The following STMN1 variants were observed in gnomAD, a reference collection of about 807,000 sequenced individuals.
The protein encoded by STMN1 is stathmin.
A neutral mutation model predicts 19.7 loss-of-function variants in STMN1; 3 were observed. The observed-to-expected ratio is 0.15, with a 90% CI of 0.07 to 0.39. The LOEUF (loss-of-function observed/expected upper bound fraction) is 0.39. Among genes scored for constraint, STMN1 ranks in the 10% least tolerant of loss-of-function variants. The pLI is 1.00. For missense variants in STMN1, 99 were observed against 176.0 expected (o/e 0.56, Z 2.48); for synonymous variants, 59 against 58.9 (o/e 1.00, Z -0.01).
intron 4 of STMN1, among the ~76,000 whole-genome samples, chr1:25,894,268 G>A (rs1260951942): frequency 6.6e-6 from 1 of 152,152 alleles, no homozygotes; most frequent in Non-Finnish European, 1.5e-5. Flanking sequence ...GCTGTGATGG[G>A]TGCAGCTGCA....
chr1:25,900,291 C>T lies in STMN1; in HGVS notation c.*725G>A. ...GAAACACGCTTGTGCTTTTAATCTG[C>T]CTTTTAAAAGGGACACAGAACAAAA... On this transcript the variant is annotated 3_prime_UTR_variant, in exon 5 of 5. Coordinates refer to ENST00000455785, the MANE Select transcript of STMN1 (RefSeq NM_005563.4). The T allele has an allele frequency of 1.0e-6, 1 of 985,788 alleles. No homozygotes were observed. Among genetic ancestry groups the T allele is most frequent in the Non-Finnish European group, 1.2e-6 (1 of 829,942 alleles). The allele number at this position is 985,788 out of a possible 1,614,324, so 61.1% of individuals were successfully genotyped here. A position where few individuals can be genotyped will look rare whatever the true frequency, so the allele number is the denominator to read the frequency against.
chr1:25,902,795 G>A (rs1296931630), intron 3 of STMN1: 1 of 152,230 alleles, frequency 6.6e-6, no homozygotes, highest in Non-Finnish European at 1.5e-5. Flanking sequence ...CGACTCCTTA[G>A]TGTAAGCACT....
chr1:25,889,049 C>T, intron 4 of STMN1: 1 of 488,876 alleles, frequency 2.0e-6, no homozygotes, highest in East Asian at 5.6e-5. Flanking sequence ...TGAAAACTGG[C>T]AATAAAATCA....
downstream of STMN1, among the ~76,000 whole-genome samples, chr1:25,896,971 C>T (rs2048822886): frequency 6.6e-6 from 1 of 152,176 alleles, no homozygotes; most frequent in African/African-American, 2.4e-5. Context: ...AAGGGAACTT[C>T]TAGGGCATCT....
At chr1:25,885,290 C>G (rs905106831), downstream of STMN1, 1 of 154,734 alleles carries the variant, frequency 6.5e-6, no homozygotes, top group South Asian at 2.1e-4. Flanking sequence ...GACCCCTTCC[C>G]GTAGGCTTCT....
intron 4 of STMN1, among the ~76,000 whole-genome samples, chr1:25,887,800 C>A (rs1010574674): frequency 1.3e-5 from 2 of 152,156 alleles, no homozygotes; most frequent in Non-Finnish European, 2.9e-5. Context: ...GGTTCTCCTG[C>A]GTCAGCCTCC....
At chr1:25,891,355 G>A (rs182283517) in intron 4 of STMN1, among the ~76,000 whole-genome samples, 1 of 151,380 alleles carries the variant, frequency 6.6e-6, no homozygotes, top group East Asian at 1.9e-4. Context: ...AAATTCAGAT[G>A]GATTATGTAA....
At chr1:25,897,843 T>TC (rs928198868), downstream of STMN1, among the ~76,000 whole-genome samples, 1 of 152,188 alleles carries the variant, frequency 6.6e-6, no homozygotes, top group Admixed American at 6.5e-5. Context: ...CGTTAAGTGC[T>TC]CAGTAAATAG....
downstream of STMN1, among the ~76,000 whole-genome samples, chr1:25,899,218 A>C (rs145148243): frequency 2.0e-5 from 3 of 152,234 alleles, no homozygotes; most frequent in East Asian, 5.8e-4. Flanking sequence ...TTCCCTCCCT[A>C]AATGTCTTAG....
downstream of STMN1, chr1:25,885,145 T>G (rs2048711481): frequency 6.5e-6 from 1 of 153,776 alleles, no homozygotes; most frequent in Non-Finnish European, 1.5e-5. Context: ...CATTGCTGCC[T>G]CTGGGTACCA....
intron 3 of STMN1, chr1:25,903,163 TAAGAG>T (rs1272875554): frequency 6.6e-6 from 1 of 152,626 alleles, no homozygotes; most frequent in Admixed American, 6.5e-5. Context: ...ATTGTTTAGA[TAAGAG>T]AAAAGCTACC....
downstream of STMN1, among the ~76,000 whole-genome samples, chr1:25,896,212 T>C (rs1254414212): frequency 6.6e-6 from 1 of 152,200 alleles, no homozygotes; most frequent in Non-Finnish European, 1.5e-5. Flanking sequence ...TCCAGTTGCC[T>C]TACTTCTCGC....
In STMN1 at chr1:25,900,560, C is replaced by A. The variant is rs2048860101; in HGVS notation, c.*456G>T. On this transcript the variant is annotated 3_prime_UTR_variant, in exon 5 of 5. Transcript: ENST00000455785. Reference sequence around the variant, plus strand: ...TATTAACCTAACTCAAAAGAAGTCACTGCCACCAACAGCACTGTGCAGTTT... The same window carrying A: ...TATTAACCTAACTCAAAAGAAGTCAATGCCACCAACAGCACTGTGCAGTTT... The A allele has an allele frequency of 2.0e-6, 2 of 986,166 alleles. No homozygotes were observed. Among genetic ancestry groups the A allele is most frequent in the Non-Finnish European group, 2.4e-6 (2 of 830,230 alleles). The allele number at this position is 986,166 out of a possible 1,614,324, so 61.1% of individuals were successfully genotyped here. A position where few individuals can be genotyped will look rare whatever the true frequency, so the allele number is the denominator to read the frequency against.
rs2048718030 is a variant in STMN1 at position 25,885,977 on chromosome 1, A to G, written c.379-108T>C. 7.3e-6 allele frequency: 10 copies of G among 1,365,566 alleles called. 1 individual carries two copies. In the South Asian group the frequency reaches 1.5e-4, roughly 21 times the overall value. The allele number at this position is 1,365,566 out of a possible 1,614,324, so 84.6% of individuals were successfully genotyped here. On this transcript the variant is annotated intron_variant, in intron 4 of 4. Coordinates refer to the STMN1 transcript ENST00000426559. ...AAAACAGTGGTTCTCAAACTTTGCT[A>G]CAAATGGAATCATCCAGGGATCTTT...
At chr1:25,902,831 T>C (rs1208461045) in intron 3 of STMN1, 1 of 152,240 alleles carries the variant, frequency 6.6e-6, no homozygotes, top group Non-Finnish European at 1.5e-5. Context: ...GGTGTGTGTG[T>C]ATACTACAAA....
At chr1:25,897,202 A>G (rs1280006918), downstream of STMN1, among the ~76,000 whole-genome samples, 1 of 151,486 alleles carries the variant, frequency 6.6e-6, no homozygotes, top group East Asian at 1.9e-4. Flanking sequence ...AATCCCAGCT[A>G]CTTGGGAGGC....
intron 4 of STMN1, 120 bp from the exon 5 acceptor site, chr1:25,901,207 C>T: frequency 6.7e-7 from 1 of 1,490,826 alleles, no homozygotes; most frequent in Non-Finnish European, 8.9e-7. Context: ...GCATATATTA[C>T]AGCCTGTGGG....
chr1:25,890,160 C>T (rs1378115007), intron 4 of STMN1, among the ~76,000 whole-genome samples: 1 of 152,066 alleles, frequency 6.6e-6, no homozygotes, highest in African/African-American at 2.4e-5. Flanking sequence ...AGGCTTGTTT[C>T]GGGTGGTCTC....
intron 4 of STMN1, among the ~76,000 whole-genome samples, chr1:25,893,016 T>C (rs2048789998): frequency 6.6e-6 from 1 of 152,194 alleles, no homozygotes; most frequent in Admixed American, 6.5e-5. Flanking sequence ...TAAAAATATA[T>C]ACTATATAAT....
Sources: gnomAD v4.1 joint callset for allele counts (sites outside exome capture counted in the v4.1 genomes callset) on GRCh38, gnomAD v4.1.1 for gene constraint, MANE v1.5 for transcripts, NCBI Gene and HGNC (gene_info 2026-07-23, HGNC 2026-07-21) for gene names.